AKR1C3: variants seen among roughly 807,000 people sequenced by gnomAD.
The protein encoded by AKR1C3 is aldo-keto reductase family 1 member C3, also known as 3-alpha hydroxysteroid dehydrogenase, type II.
AKR1C3 carries 48 observed loss-of-function variants against 43.6 expected under a neutral mutation model. The ratio of observed to expected loss-of-function variants is 1.10; its 90% CI spans 0.87 to 1.40. The LOEUF (loss-of-function observed/expected upper bound fraction) is 1.40. Ranked by LOEUF, AKR1C3 falls within the 40% of genes most tolerant of loss-of-function variation. The pLI is 0.00. For synonymous variants in AKR1C3, 162 were observed against 139.6 expected, an observed-to-expected ratio of 1.16 and a Z score of -1.13; for missense variants, 482 against 391.2, an observed-to-expected ratio of 1.23 and a Z score of -1.96.
intron 1 of AKR1C3, chr10:5,077,746 G>T: frequency 8.9e-7 from 1 of 1,126,642 alleles, no homozygotes; most frequent in Non-Finnish European, 1.1e-6. Flanking sequence ...AAAAAAAGGT[G>T]CAGCTCACTG....
At chr10:5,072,822 A>C (rs1838639882) in intron 1 of AKR1C3, among the ~76,000 whole-genome samples, 1 of 152,180 alleles carries the variant, frequency 6.6e-6, no homozygotes, top group Non-Finnish European at 1.5e-5. Context: ...ACCAGTTATC[A>C]TTTATCTCAA....
upstream of AKR1C3, among the ~76,000 whole-genome samples, chr10:5,092,656 T>A (rs562365622): frequency 3.9e-5 from 6 of 152,196 alleles, no homozygotes; most frequent in African/African-American, 1.2e-4. Flanking sequence ...AATTTCTACA[T>A]CATTGTTGAT....
chr10:5,079,615 C>T (rs1228696150), intron 1 of AKR1C3, among the ~76,000 whole-genome samples: 8 of 151,518 alleles, frequency 5.3e-5, no homozygotes, highest in Non-Finnish European at 1.5e-5. Context: ...TGTCTATCTT[C>T]CTGAGGGCAG....
intron 1 of AKR1C3, among the ~76,000 whole-genome samples, chr10:5,095,680 GGAATTCTGTCTTTC>G (rs1196217559): frequency 2.5e-4 from 38 of 151,956 alleles, no homozygotes; most frequent in Admixed American, 2.6e-4. Flanking sequence ...AAATTTCACT[GGAATTCTGTCTTTC>G]CTGAAAGAGA....
intron 1 of AKR1C3, among the ~76,000 whole-genome samples, chr10:5,086,325 T>C (rs1325741890): frequency 9.2e-5 from 14 of 151,478 alleles, no homozygotes; most frequent in African/African-American, 2.0e-4. Flanking sequence ...GCCTTCATTT[T>C]GTTATGTACC....
chr10:5,087,838 G>A (rs1839005249), intron 1 of AKR1C3, among the ~76,000 whole-genome samples: 1 of 151,052 alleles, frequency 6.6e-6, no homozygotes, highest in Non-Finnish European at 1.5e-5. Flanking sequence ...GTTATGGTGT[G>A]ACCATTCTTA....
intron 1 of AKR1C3, among the ~76,000 whole-genome samples, chr10:5,058,782 C>T (rs543993665): frequency 3.9e-5 from 6 of 152,130 alleles, no homozygotes; most frequent in Admixed American, 6.5e-5. Context: ...TGGCTCTTAT[C>T]GACACATTCT....
In AKR1C3 at chr10:5,053,388, G is replaced by A. The variant is rs544429806; in HGVS notation, c.84+4493G>A. 2.3e-3 allele frequency among the ~76,000 whole-genome samples: 349 copies of A among 152,350 alleles called. 2 individuals carry two copies. Among genetic ancestry groups the A allele is most frequent in the African/African-American group, 6.7e-3 (277 of 41,584 alleles). Reference sequence around the variant, plus strand: ...CCCTGGGCTTGCAGGCTGGCCAGCCGCTCTGAGTGCAGGGCCTGCTGAGCA... The same window carrying A: ...CCCTGGGCTTGCAGGCTGGCCAGCCACTCTGAGTGCAGGGCCTGCTGAGCA... On this transcript the variant is annotated intron_variant, in intron 1 of 8. Transcript: ENST00000439082.
At chr10:5,089,792 C>T (rs1470125905), upstream of AKR1C3, among the ~76,000 whole-genome samples, 2 of 152,050 alleles carry the variant, frequency 1.3e-5, no homozygotes, top group East Asian at 1.9e-4. Context: ...TTTGACAGTA[C>T]CACAACATTC....
chr10:5,051,670 T>A (rs922317666), intron 1 of AKR1C3, among the ~76,000 whole-genome samples: 4 of 152,154 alleles, frequency 2.6e-5, no homozygotes, highest in African/African-American at 9.7e-5. Context: ...AGACAAATAT[T>A]AACATGGAGG....
At position 5,107,620 on chromosome 10, in the gene AKR1C3, G is replaced by C; in HGVS notation, c.*117G>C. ...TCTACTTAAATCCGTCCTGTTTAGC[G>C]ACTTCAGTCAACTACAGCTGAGTCC... On this transcript the variant is annotated 3_prime_UTR_variant, in exon 9 of 9. Coordinates refer to ENST00000380554, the MANE Select transcript of AKR1C3 (RefSeq NM_003739.6). 1.3e-6 allele frequency: 1 copy of C among 748,248 alleles called. No individual in the cohort carries two copies. Among genetic ancestry groups the C allele is most frequent in the South Asian group, 1.8e-5 (1 of 56,534 alleles). The allele number at this position is 748,248 out of a possible 1,614,324, so 46.4% of individuals were successfully genotyped here. A position where few individuals can be genotyped will look rare whatever the true frequency, so the allele number is the denominator to read the frequency against.
chr10:5,086,956 G>A (rs560385277), intron 1 of AKR1C3, among the ~76,000 whole-genome samples: 1 of 151,826 alleles, frequency 6.6e-6, no homozygotes, highest in South Asian at 2.1e-4. Flanking sequence ...CCTTTATTTT[G>A]AGCCTATGTG....
chr10:5,099,057 A>C (rs1011634179), intron 4 of AKR1C3, among the ~76,000 whole-genome samples, 178 bp downstream of exon 4: 48 of 152,218 alleles, frequency 3.2e-4, no homozygotes, highest in Non-Finnish European at 3.1e-4. Flanking sequence ...AGAGTGGGGC[A>C]CAAGACTTGG....
intron 1 of AKR1C3, among the ~76,000 whole-genome samples, chr10:5,083,226 C>T (rs969301440): frequency 6.6e-6 from 1 of 152,100 alleles, no homozygotes; most frequent in Non-Finnish European, 1.5e-5. Flanking sequence ...TCCCTCCCGA[C>T]TCCCCCCACC....
chr10:5,078,465 T>C (rs1374208338), intron 1 of AKR1C3, among the ~76,000 whole-genome samples: 1 of 152,172 alleles, frequency 6.6e-6, no homozygotes, highest in African/African-American at 2.4e-5. Context: ...ACCATAATCA[T>C]AATCATAAAA....
intron 1 of AKR1C3, chr10:5,080,801 C>T (rs1418418515): frequency 6.6e-6 from 1 of 152,212 alleles, no homozygotes; most frequent in African/African-American, 2.4e-5. Context: ...TATTGGACCA[C>T]CATGTTTGTG....
chr10:5,055,681 TATAAAG>T (rs57158896), intron 1 of AKR1C3, among the ~76,000 whole-genome samples: 79,634 of 151,642 alleles, frequency 0.53, 21,276 homozygotes, highest in East Asian at 0.79. Context: ...CTCTGTGACT[TATAAAG>T]AGAAGTTTTG....
intron 1 of AKR1C3, among the ~76,000 whole-genome samples, chr10:5,086,994 G>GCA (rs1242393438): frequency 6.6e-6 from 1 of 152,130 alleles, no homozygotes; most frequent in African/African-American, 2.4e-5. Flanking sequence ...TGGGTTTCCA[G>GCA]CACACTGATG....
intron 1 of AKR1C3, among the ~76,000 whole-genome samples, chr10:5,077,458 A>G (rs539251925): frequency 1.2e-4 from 19 of 152,308 alleles, no homozygotes; most frequent in African/African-American, 4.3e-4. Flanking sequence ...GGAGTTCCAC[A>G]ATTCCCATTT....
Sources: allele counts gnomAD v4.1 joint callset (sites outside exome capture counted in the v4.1 genomes callset), GRCh38; gene constraint gnomAD v4.1.1; transcripts MANE v1.5; gene names NCBI Gene and HGNC (gene_info 2026-07-23, HGNC 2026-07-21).